INPP4B: variants seen among roughly 807,000 people sequenced by gnomAD.
INPP4B encodes the protein inositol polyphosphate 4-phosphatase type II.
INPP4B carries 55 observed loss-of-function variants against 122.5 expected under a neutral mutation model. The observed-to-expected ratio is 0.45, with a 90% confidence interval of 0.36 to 0.56. INPP4B has a LOEUF of 0.56. Among genes scored for constraint, INPP4B ranks in the 20% least tolerant of loss-of-function variants. The pLI is 0.00. For missense variants in INPP4B, 1,000 were observed against 1,097.7 expected, an observed-to-expected ratio of 0.91 and a Z score of 1.26; for synonymous variants, 403 against 388.7, an observed-to-expected ratio of 1.04 and a Z score of -0.43.
At chr4:142,070,361 C>A (rs1766450385) in intron 25 of INPP4B, among the ~76,000 whole-genome samples, 1 of 152,130 alleles carries the variant, frequency 6.6e-6, no homozygotes, top group African/African-American at 2.4e-5. Context: ...CTATTTATGA[C>A]AAACCTACAG....
chr4:142,147,653 A>G (rs1356658438), intron 17 of INPP4B, among the ~76,000 whole-genome samples: 1 of 152,192 alleles, frequency 6.6e-6, no homozygotes. Flanking sequence ...AATCACATCC[A>G]AAACTTACTG....
At chr4:142,668,816 A>G (rs1255962362) in intron 2 of INPP4B, among the ~76,000 whole-genome samples, 1 of 152,054 alleles carries the variant, frequency 6.6e-6, no homozygotes, top group African/African-American at 2.4e-5. Context: ...TGGGAGGCCG[A>G]GGTGGGCAGA....
At chr4:142,620,220 A>G (rs114501453) in intron 2 of INPP4B, among the ~76,000 whole-genome samples, 1 of 151,948 alleles carries the variant, frequency 6.6e-6, no homozygotes, top group Non-Finnish European at 1.5e-5. Context: ...TCATTACCAC[A>G]CTAATCACAA....
intron 16 of INPP4B, among the ~76,000 whole-genome samples, chr4:142,166,129 T>C (rs1281980003): frequency 1.3e-5 from 2 of 151,764 alleles, no homozygotes; most frequent in Non-Finnish European, 2.9e-5. Context: ...AACATATGCA[T>C]ATTTTATAAA....
intron 2 of INPP4B, among the ~76,000 whole-genome samples, chr4:142,700,504 G>A (rs764292046): frequency 1.3e-5 from 2 of 152,030 alleles, no homozygotes; most frequent in Admixed American, 6.6e-5. Flanking sequence ...TATTTCCATC[G>A]TAGGATAGAG....
At chr4:142,158,543 C>G (rs774421183) in intron 17 of INPP4B, among the ~76,000 whole-genome samples, 11 of 152,114 alleles carry the variant, frequency 7.2e-5, no homozygotes, top group Admixed American at 3.9e-4. Context: ...TAAGACAGTT[C>G]TGGACGTAAA....
At chr4:142,187,087 GAA>G (rs34263284) in intron 15 of INPP4B, among the ~76,000 whole-genome samples, 3 of 151,296 alleles carry the variant, frequency 2.0e-5, no homozygotes, top group African/African-American at 4.9e-5. Flanking sequence ...CTCACAGGAG[GAA>G]AAAAAAAATG....
chr4:142,029,744 A>G, intron 25 of INPP4B: 1 of 992,422 alleles, frequency 1.0e-6, no homozygotes, highest in Non-Finnish European at 1.2e-6. Context: ...AACCTCCCAC[A>G]TCTCTAGAAC....
chr4:142,838,565 A>G (rs1488384393), intron 1 of INPP4B, among the ~76,000 whole-genome samples: 3 of 152,164 alleles, frequency 2.0e-5, no homozygotes, highest in Non-Finnish European at 4.4e-5. Flanking sequence ...AATTTCAAAA[A>G]AAGTCAAAAA....
chr4:142,737,210 T>G (rs1767071791), intron 1 of INPP4B, among the ~76,000 whole-genome samples: 1 of 152,146 alleles, frequency 6.6e-6, no homozygotes, highest in Admixed American at 6.6e-5. Flanking sequence ...GACTTCAAAC[T>G]ATACTACAAG....
chr4:142,674,546 C>T (rs1435838118), intron 2 of INPP4B, among the ~76,000 whole-genome samples: 2 of 152,308 alleles, frequency 1.3e-5, no homozygotes, highest in South Asian at 2.1e-4. Context: ...CTACAGAACT[C>T]TCCACCTCAA....
At chr4:142,227,533 G>A (rs148969095) in intron 12 of INPP4B, among the ~76,000 whole-genome samples, 11 of 152,156 alleles carry the variant, frequency 7.2e-5, no homozygotes, top group Non-Finnish European at 1.3e-4. Flanking sequence ...CTCAGATATA[G>A]AATGCAATAT....
At chr4:142,668,273 A>G (rs1756449928) in intron 2 of INPP4B, among the ~76,000 whole-genome samples, 1 of 152,150 alleles carries the variant, frequency 6.6e-6, no homozygotes, top group African/African-American at 2.4e-5. Flanking sequence ...GATCACTTCA[A>G]TAGATGCAGA....
intron 1 of INPP4B, among the ~76,000 whole-genome samples, chr4:142,771,295 T>C (rs1773025922): frequency 6.6e-6 from 1 of 152,110 alleles, no homozygotes; most frequent in Non-Finnish European, 1.5e-5. Flanking sequence ...TTGGATAATG[T>C]AGTTAGAAAT....
At chr4:142,043,860 G>C (rs1749711802) in intron 25 of INPP4B, among the ~76,000 whole-genome samples, 1 of 152,082 alleles carries the variant, frequency 6.6e-6, no homozygotes, top group Non-Finnish European at 1.5e-5. Flanking sequence ...GTTGTAGGAT[G>C]GCACCTAGCA....
intron 23 of INPP4B, among the ~76,000 whole-genome samples, chr4:142,097,535 G>T (rs1212190283): frequency 6.6e-6 from 1 of 151,996 alleles, no homozygotes; most frequent in African/African-American, 2.4e-5. Context: ...GGGATTATAG[G>T]TGTGAGCCAC....
intron 18 of INPP4B, among the ~76,000 whole-genome samples, chr4:142,142,063 A>G (rs1383275066): frequency 2.6e-5 from 4 of 152,104 alleles, no homozygotes; most frequent in African/African-American, 9.6e-5. Flanking sequence ...CTAACAAATG[A>G]TGCTGCAACA....
chr4:142,461,467 C>A (rs865839591), intron 3 of INPP4B, among the ~76,000 whole-genome samples: 3 of 152,100 alleles, frequency 2.0e-5, no homozygotes, highest in African/African-American at 7.2e-5. Context: ...GTTCTTGATA[C>A]CTGAGGCTAT....
chr4:142,072,415 C>T (rs1315608171), intron 25 of INPP4B, among the ~76,000 whole-genome samples: 3 of 151,128 alleles, frequency 2.0e-5, no homozygotes, highest in African/African-American at 4.9e-5. Context: ...CAACATGGCA[C>T]ATGTATACAT....
Sources: allele counts gnomAD v4.1 joint callset (sites outside exome capture counted in the v4.1 genomes callset), GRCh38; gene constraint gnomAD v4.1.1; transcripts MANE v1.5; gene names NCBI Gene and HGNC (gene_info 2026-07-23, HGNC 2026-07-21).